Variants in ARHGAP30 observed in about 807,000 individuals in gnomAD.
ARHGAP30 encodes the protein Rho GTPase activating protein 30.
Under a neutral mutation model 72.0 loss-of-function variants are expected in ARHGAP30, and 23 were observed. The observed-to-expected ratio is 0.32, with a 90% CI of 0.23 to 0.45. The LOEUF (loss-of-function observed/expected upper bound fraction) is 0.45. Among genes scored for constraint, ARHGAP30 ranks in the 20% least tolerant of loss-of-function variants. The pLI, the probability that ARHGAP30 is intolerant of heterozygous loss-of-function variation, is 1.00. For missense variants in ARHGAP30, 1,319 were observed against 1,383.4 expected, an observed-to-expected ratio of 0.95 and a Z score of 0.74; for synonymous variants, 576 against 528.2, an observed-to-expected ratio of 1.09 and a Z score of -1.24.
chr1:161,054,391 T>C lies in ARHGAP30; in HGVS notation c.511A>G (p.Ile171Val). ...CTCAGCAGGTTGGGAGCCCACACGA[T>C]GGCCAGGTTGCGAGCATGCATGTTG... ...QTNMHARNLA[I>V]VWAPNLLRSK... is the part of the protein sequence containing the mutation. Residue 171 changes from isoleucine to valine, a missense_variant, in exon 5 of 12, where the codon ATC (isoleucine) becomes GTC (valine). Physicochemically the swap from Ile to Val is conservative, Grantham distance 29. Around this residue, in one of 2 missense-constraint regions of ARHGAP30, gnomAD observed 222 missense variants for 338.2 expected, o/e 0.66. Transcript: ENST00000368013. 1 of 1,613,936 alleles carries C rather than the reference T, an allele frequency of 6.2e-7. No homozygotes were observed. Among genetic ancestry groups the C allele is most frequent in the Non-Finnish European group, 8.5e-7 (1 of 1,179,944 alleles).
chr1:161,055,518 A>AG (rs926741191), intron 3 of ARHGAP30, among the ~76,000 whole-genome samples: 119 of 152,188 alleles, frequency 7.8e-4, no homozygotes, highest in African/African-American at 2.7e-3. Context: ...GGCTGGGCGC[A>AG]GGGGCTCATG....
intron 1 of ARHGAP30, among the ~76,000 whole-genome samples, chr1:161,064,733 G>A (rs569826076): frequency 2.0e-5 from 3 of 146,696 alleles, no homozygotes; most frequent in Non-Finnish European, 3.0e-5. Context: ...CACCAGCCTC[G>A]GCAACAGAGT....
intron 6 of ARHGAP30, chr1:161,053,015 A>T: frequency 8.3e-6 from 7 of 842,210 alleles, no homozygotes; most frequent in Non-Finnish European, 1.3e-5. Context: ...GGGGGTGGAT[A>T]TGAGCCATCA....
chr1:161,053,749 G>C (rs551174114), intron 5 of ARHGAP30, among the ~76,000 whole-genome samples: 1 of 152,288 alleles, frequency 6.6e-6, no homozygotes, highest in African/African-American at 2.4e-5. Context: ...CCAACAGACT[G>C]CAAGACGTTT....
chr1:161,051,756 C>T, intron 9 of ARHGAP30, 41 bp from the exon 10 acceptor site: 3 of 1,533,596 alleles, frequency 2.0e-6, no homozygotes, highest in Non-Finnish European at 2.6e-6. Context: ...ATAGCCTAAA[C>T]TCCAAGGGGC....
chr1:161,048,358 A>G lies in ARHGAP30; in HGVS notation c.2663T>C (p.Val888Ala). The change falls in exon 12 of 12, where the codon GTA becomes GCA. Residue 888 changes from valine (V) to alanine (A), a missense_variant. Around this residue, in one of 2 missense-constraint regions of ARHGAP30, gnomAD observed 1,097 missense variants for 1,045.2 expected, o/e 1.05. Coordinates refer to ENST00000368013, the MANE Select transcript of ARHGAP30 (RefSeq NM_001025598.2). ...CTCTGGCTGAGGTGGCTGTGGGGCT[A>G]CCTCTTCCATCTCAGAAGAGTGAGG... Reference protein sequence around the residue: ...GNPHSSEMEEVAPQPPQPEEM... With the variant: ...GNPHSSEMEEAAPQPPQPEEM... 1.2e-6 allele frequency: 2 copies of G among 1,614,066 alleles called. No homozygotes were observed. Among genetic ancestry groups the G allele is most frequent in the Non-Finnish European group, 1.7e-6 (2 of 1,180,006 alleles).
In ARHGAP30 at chr1:161,049,418, C is replaced by T. The variant is rs775522404; in HGVS notation, c.1686+6G>A. On this transcript the variant is annotated splice_donor_region_variant and intron_variant, in intron 11 of 11. Coordinates refer to ENST00000368013, the MANE Select transcript of ARHGAP30 (RefSeq NM_001025598.2). ...CCACCCCCAAACCCAGCACGGCTCTCCTTACCTGAGGCCCAACTCCCAGGA... is the reference window on the plus strand; with the variant it reads ...CCACCCCCAAACCCAGCACGGCTCTTCTTACCTGAGGCCCAACTCCCAGGA... 8 of 1,606,536 alleles carry T rather than the reference C, an allele frequency of 5.0e-6. No individual in the cohort carries two copies. Among genetic ancestry groups the T allele is most frequent in the Non-Finnish European group, 6.8e-6 (8 of 1,175,710 alleles).
rs1650953990 is a variant in ARHGAP30, at chr1:161,047,657, G to T, written c.*58C>A. 2 of 1,483,678 alleles carry T rather than the reference G, an allele frequency of 1.3e-6. No individual in the cohort carries two copies. The highest frequency in any genetic ancestry group is 2.4e-5 in the Admixed American group (1 of 41,408). 91.9% of individuals were successfully genotyped at this position (1,483,678 alleles called of 1,614,324 possible). On this transcript the variant is annotated 3_prime_UTR_variant, in exon 12 of 12. Coordinates refer to ENST00000368013, the MANE Select transcript of ARHGAP30 (RefSeq NM_001025598.2). ...TGCTGCAGAGGAGACAGCTAGTCAGGAACCCTGGAGATTCAAGACAACTTG... is the reference window on the plus strand; with the variant it reads ...TGCTGCAGAGGAGACAGCTAGTCAGTAACCCTGGAGATTCAAGACAACTTG...
At chr1:161,061,177 T>A (rs1024075462) in intron 1 of ARHGAP30, among the ~76,000 whole-genome samples, 2 of 151,844 alleles carry the variant, frequency 1.3e-5, no homozygotes, top group African/African-American at 4.8e-5. Context: ...TGTTTGTTTG[T>A]TTTTTTTAGA....
chr1:161,054,838 G>A (rs1571090019), intron 3 of ARHGAP30, 133 bp from the exon 4 acceptor site: 22 of 768,358 alleles, frequency 2.9e-5, no homozygotes, highest in South Asian at 2.0e-4. Flanking sequence ...CATCATCTGC[G>A]GTGCACTGAC....
At position 161,049,210 on chromosome 1, in the gene ARHGAP30, T is replaced by C. The variant is rs372150791; in HGVS notation, c.1811A>G (p.Asn604Ser). ...AGPRPEVEEE[N>S]GEEVFLSAYD... ...GGCACTCAGGAAAACTTCCTCCCCA[T>C]TTTCCTCCTCAACTTCAGGCCTGGG... Residue 604 changes from asparagine (N) to serine (S), a missense_variant, in exon 12 of 12, where the codon AAT becomes AGT. Coordinates refer to ENST00000368013, the MANE Select transcript of ARHGAP30 (RefSeq NM_001025598.2). 1 of 1,613,932 alleles carries C rather than the reference T, an allele frequency of 6.2e-7. No homozygotes were observed. Among genetic ancestry groups the C allele is most frequent in the South Asian group, 1.1e-5 (1 of 91,080 alleles).
intron 5 of ARHGAP30, 77 bp from the exon 6 acceptor site, chr1:161,053,462 TTCTCTC>T (rs57196073): frequency 0.089 from 61,285 of 688,264 alleles, 1,371 homozygotes; most frequent in East Asian, 0.13. Context: ...AAATACCTTA[TTCTCTC>T]TCTCTCTCTC....
Position 161,046,984 on chromosome 1 carries a change from A to C in ARHGAP30, c.*731T>G. On this transcript the variant is annotated 3_prime_UTR_variant, in exon 12 of 12. Coordinates refer to ENST00000368013, the MANE Select transcript of ARHGAP30 (RefSeq NM_001025598.2). ...CTTTTATTCTGAGACATTGACCTTCACTAGAGTGGGACCTGTGGCCCCAGC... is the reference window on the plus strand; with the variant it reads ...CTTTTATTCTGAGACATTGACCTTCCCTAGAGTGGGACCTGTGGCCCCAGC... 1 of 470,548 alleles carries C rather than the reference A, an allele frequency of 2.1e-6. No homozygotes were observed. Among genetic ancestry groups the C allele is most frequent in the Non-Finnish European group, 4.4e-6 (1 of 226,866 alleles). The allele number at this position is 470,548 out of a possible 1,614,324, so 29.1% of individuals were successfully genotyped here. A position where few individuals can be genotyped will look rare whatever the true frequency, so the allele number is the denominator to read the frequency against.
At chr1:161,057,234 A>G (rs955380147) in intron 2 of ARHGAP30, among the ~76,000 whole-genome samples, 6 of 151,590 alleles carry the variant, frequency 4.0e-5, no homozygotes, top group Admixed American at 1.3e-4. Context: ...TGCTCACTGC[A>G]GCCTCCGCCT....
chr1:161,064,848 AGGAAAGGAAGGAG>A (rs1557935587), intron 1 of ARHGAP30, among the ~76,000 whole-genome samples: 1 of 88,324 alleles, frequency 1.1e-5, no homozygotes, highest in Admixed American at 1.2e-4. Flanking sequence ...AAAGAAAGAA[AGGAAAGGAAGGAG>A]AGGAAGGAGA....
rs1385375348 is a variant in ARHGAP30 at position 161,054,453 on chromosome 1, C to T, written c.449G>A (p.Arg150Lys). 6.2e-7 allele frequency: 1 copy of T among 1,613,918 alleles called. No homozygotes were observed. Among genetic ancestry groups the T allele is most frequent in the South Asian group, 1.1e-5 (1 of 91,042 alleles). ...GAATGAGGCCATGTGTACCAAGTGCCTCATGAGGAACTCCAGGGTCCTGCA... is the reference window on the plus strand; with the variant it reads ...GAATGAGGCCATGTGTACCAAGTGCTTCATGAGGAACTCCAGGGTCCTGCA... ...PNYRTLEFLM[R>K]HLVHMASFSA... Residue 150 changes from arginine (R) to lysine (K), a missense_variant, in exon 5 of 12, where the codon AGG becomes AAG. Physicochemically the swap from Arg to Lys is conservative, Grantham distance 26. Around this residue, in one of 2 missense-constraint regions of ARHGAP30, gnomAD observed 222 missense variants for 338.2 expected, o/e 0.66. Coordinates refer to ENST00000368013, the MANE Select transcript of ARHGAP30 (RefSeq NM_001025598.2).
intron 1 of ARHGAP30, among the ~76,000 whole-genome samples, chr1:161,062,710 C>G (rs555052654): frequency 2.0e-4 from 31 of 151,234 alleles, no homozygotes; most frequent in African/African-American, 7.3e-4. Context: ...GCCTGGGGGA[C>G]AGAGTGAGAT....
intron 1 of ARHGAP30, among the ~76,000 whole-genome samples, chr1:161,064,996 C>T (rs927650084): frequency 6.6e-5 from 10 of 152,020 alleles, no homozygotes; most frequent in Non-Finnish European, 1.2e-4. Context: ...AACCATCTAA[C>T]TTTTTTTCCT....
Position 161,056,522 on chromosome 1 carries a change from C to T in ARHGAP30, c.211G>A (p.Glu71Lys), listed in dbSNP as rs1651888531. The change falls in exon 3 of 12, where the codon GAG becomes AAG. Residue 71 changes from glutamate to lysine, a missense_variant. Glu to Lys is a moderately conservative substitution (Grantham distance 56). Transcript: ENST00000368013. Reference sequence around the variant, plus strand: ...CGCAGGTCTGGCTTCCGCTCTGACTCAAATTCCTGCCTGGGGAGGCGCGGT... The same window carrying T: ...CGCAGGTCTGGCTTCCGCTCTGACTTAAATTCCTGCCTGGGGAGGCGCGGT... ...SNIQKLRQEF[E>K]SERKPDLRRD... 4 of 1,613,142 alleles carry T rather than the reference C, an allele frequency of 2.5e-6. No homozygotes were observed. The highest frequency in any genetic ancestry group is 3.4e-6 in the Non-Finnish European group (4 of 1,179,892).
Sources: gnomAD v4.1 joint callset for allele counts (sites outside exome capture counted in the v4.1 genomes callset) on GRCh38, gnomAD v4.1.1 for gene constraint, gnomAD v4.1.1 regional missense constraint, MANE v1.5 for transcripts, NCBI Gene and HGNC (gene_info 2026-07-23, HGNC 2026-07-21) for gene names.